The following ITPRIP variants were observed in gnomAD, a reference collection of about 807,000 sequenced individuals.
The protein encoded by ITPRIP is inositol 1,4,5-trisphosphate receptor-interacting protein.
A neutral mutation model predicts 35.8 loss-of-function variants in ITPRIP; 32 were observed. The observed-to-expected ratio is 0.89, with a 90% confidence interval of 0.68 to 1.20. The LOEUF is 1.20. Ranked by LOEUF, ITPRIP falls within the 50% of genes most tolerant of loss-of-function variation. The pLI, the probability that ITPRIP is intolerant of heterozygous loss-of-function variation, is 0.00. For missense variants in ITPRIP, 653 were observed against 735.6 expected, an observed-to-expected ratio of 0.89 and a Z score of 1.30; for synonymous variants, 358 against 324.0, an observed-to-expected ratio of 1.11 and a Z score of -1.13.
intron 1 of ITPRIP, 65 bp from the exon 2 acceptor site, chr10:104,316,129 G>A (rs939856169): frequency 7.1e-5 from 96 of 1,348,374 alleles, no homozygotes; most frequent in Non-Finnish European, 8.8e-5. Flanking sequence ...CCTGGGCCCC[G>A]CACCAACCTC....
rs901871539 is a variant in ITPRIP at position 104,316,641 on chromosome 10, AC to A, written c.-13-578del. On this transcript the variant is annotated intron_variant, in intron 1 of 1. Transcript: ENST00000337478. Reference sequence around the variant, plus strand: ...AGACACCAACATAGAGGAAAGCAGAACCCCCCCTCCCCACACTCAGCTCTGC... The same window carrying A: ...AGACACCAACATAGAGGAAAGCAGAACCCCCCTCCCCACACTCAGCTCTGC... 2.6e-5 allele frequency among the ~76,000 whole-genome samples: 4 copies of A among 151,294 alleles called. 1 individual carries two copies. The highest frequency in any genetic ancestry group is 2.1e-4 in the South Asian group (1 of 4,774).
intron 1 of ITPRIP, among the ~76,000 whole-genome samples, chr10:104,336,502 G>C (rs904805909): frequency 6.6e-6 from 1 of 150,958 alleles, no homozygotes; most frequent in Non-Finnish European, 1.5e-5. Context: ...TTTGGGGGGG[G>C]GGGGGCAGCG....
rs2014190392 is a variant in ITPRIP, at chr10:104,333,547, CCT to C, written c.-14+4697_-14+4698del. ...CTCTCTGTGGGGAAACGTCACAGGT[CCT>C]AAACTGTTGAGGAGGGGTCTACAGG... On this transcript the variant is annotated intron_variant, in intron 1 of 1. Coordinates refer to ENST00000337478, the MANE Select transcript of ITPRIP (RefSeq NM_001272013.2). This position sits in a 1 kb window ranked among gnomAD's most constrained non-coding sequence, Gnocchi z 4.1. The C allele has an allele frequency of 6.6e-6, 1 of 152,226 alleles. No individual in the cohort carries two copies. The highest frequency in any genetic ancestry group is 2.4e-5 in the African/African-American group (1 of 41,424). 9.4% of individuals were successfully genotyped at this position (152,226 alleles called of 1,614,324 possible). A position where few individuals can be genotyped will look rare whatever the true frequency, so the allele number is the denominator to read the frequency against.
In ITPRIP at chr10:104,309,956, C is replaced by T. The variant is rs899144843; in HGVS notation, c.*4452G>A. On this transcript the variant is annotated 3_prime_UTR_variant, in exon 2 of 2. Transcript: ENST00000337478. The stretch of plus-strand genomic sequence containing the variant: ...TTAAACAACAAACTAGTTAAACAAG[C>T]AAGCTATTTTTGGATGGCAATGAGA... 11 of 152,166 alleles carry T rather than the reference C, an allele frequency of 7.2e-5. No individual in the cohort carries two copies. The highest frequency in any genetic ancestry group is 1.2e-4 in the Non-Finnish European group (8 of 68,032). 9.4% of individuals were successfully genotyped at this position (152,166 alleles called of 1,614,324 possible). A position where few individuals can be genotyped will look rare whatever the true frequency, so the allele number is the denominator to read the frequency against.
chr10:104,332,718 G>T (rs911797864), intron 1 of ITPRIP, among the ~76,000 whole-genome samples: 1 of 152,230 alleles, frequency 6.6e-6, no homozygotes, highest in Non-Finnish European at 1.5e-5. Flanking sequence ...ATCCATGGCT[G>T]CCCCCTCTGA....
chr10:104,313,064 G>C lies in ITPRIP; in HGVS notation c.*1344C>G, dbSNP rs2013527962. Reference sequence around the variant, plus strand: ...TCTTTGGGTCTGGGTCATCTGTGTGGTCAGCAGTGCCCACACAGAAGGGGT... The same window carrying C: ...TCTTTGGGTCTGGGTCATCTGTGTGCTCAGCAGTGCCCACACAGAAGGGGT... On this transcript the variant is annotated 3_prime_UTR_variant, in exon 2 of 2. Transcript: ENST00000337478. The C allele has an allele frequency of 1.0e-6, 1 of 985,460 alleles. No individual in the cohort carries two copies. The allele number at this position is 985,460 out of a possible 1,614,324, so 61.0% of individuals were successfully genotyped here. A position where few individuals can be genotyped will look rare whatever the true frequency, so the allele number is the denominator to read the frequency against.
At position 104,328,974 on chromosome 10, in the gene ITPRIP, G is replaced by C. The variant is rs2014092684; in HGVS notation, c.-14+9272C>G. ...TAGGCGGTACCTGACACAAAGCCTG[G>C]GCCCCAGCTGGGCTGGGGAGAGCGG... On this transcript the variant is annotated intron_variant, in intron 1 of 1. Coordinates refer to ENST00000337478, the MANE Select transcript of ITPRIP (RefSeq NM_001272013.2). The surrounding 1 kb of genome is among the most constrained non-coding windows in gnomAD (Gnocchi z 4.1). 1 of 152,270 alleles carries C rather than the reference G, an allele frequency of 6.6e-6. No individual in the cohort carries two copies. The highest frequency in any genetic ancestry group is 1.5e-5 in the Non-Finnish European group (1 of 68,256). 9.4% of individuals were successfully genotyped at this position (152,270 alleles called of 1,614,324 possible). A position where few individuals can be genotyped will look rare whatever the true frequency, so the allele number is the denominator to read the frequency against.
chr10:104,315,402 G>A lies in ITPRIP; in HGVS notation c.650C>T (p.Pro217Leu), dbSNP rs1478032242. The change falls in exon 2 of 2, where the codon CCC becomes CTC. Residue 217 changes from proline (P) to leucine (L), a missense_variant. Transcript: ENST00000337478. This position sits in a 1 kb window ranked among gnomAD's most constrained non-coding sequence, Gnocchi z 5.7. ...CTCTGGGTGGAAGCGGTAGGGCTCGGGGGGTGTGAAGGGCACGAAAAGGTG... is the reference window on the plus strand; with the variant it reads ...CTCTGGGTGGAAGCGGTAGGGCTCGAGGGGTGTGAAGGGCACGAAAAGGTG... ...LCHLFVPFTPPEPYRFHPELW... is the reference protein window; with the variant it reads ...LCHLFVPFTPLEPYRFHPELW... The A allele has an allele frequency of 6.3e-7, 1 of 1,581,814 alleles. No homozygotes were observed. Among genetic ancestry groups the A allele is most frequent in the South Asian group, 1.2e-5 (1 of 85,666 alleles).
chr10:104,332,512 T>C (rs1374229093), intron 1 of ITPRIP, among the ~76,000 whole-genome samples: 1 of 152,222 alleles, frequency 6.6e-6, no homozygotes, highest in Non-Finnish European at 1.5e-5. Flanking sequence ...GTTTTTCATC[T>C]TTCTTCAGGG....
Position 104,314,740 on chromosome 10 carries a change from GT to G in ITPRIP, c.1311del (p.Leu438CysfsTer190). The G allele has an allele frequency of 6.2e-7, 1 of 1,613,878 alleles. No individual in the cohort carries two copies. The highest frequency in any genetic ancestry group is 8.5e-7 in the Non-Finnish European group (1 of 1,179,944). Reference sequence around the variant, plus strand: ...GCCTGCCGGAGGAGTAGGAGGTGCAGTAGGGCCGTCTTCAGGTGGTAGCTGC... The same window carrying G: ...GCCTGCCGGAGGAGTAGGAGGTGCAGAGGGCCGTCTTCAGGTGGTAGCTGC... Reference protein sequence around the residue: ...GLSSYHLKTALLHLLLLRQAA... With the variant: ...GLSSYHLKTAXLHLLLLRQAA... On this transcript the variant is annotated frameshift_variant, in exon 2 of 2. Coordinates refer to ENST00000337478, the MANE Select transcript of ITPRIP (RefSeq NM_001272013.2). LOFTEE classifies it high-confidence loss of function.
At position 104,315,919 on chromosome 10, in the gene ITPRIP, G is replaced by A; in HGVS notation, c.133C>T (p.Gln45Ter). ...AACTGCTCCAGCTGCAGCTTCTCCT[G>A]GTGCGCCTGCATCTTGCGGATGATC... The part of the protein sequence containing the change: ...EEIIRKMQAH[Q>*]EKLQLEQLRL... The change falls in exon 2 of 2, where the codon CAG (glutamine) becomes TAG (stop). Residue 45 changes from glutamine to a stop codon, truncating the protein, a stop_gained. Coordinates refer to ENST00000337478, the MANE Select transcript of ITPRIP (RefSeq NM_001272013.2). LOFTEE classifies it high-confidence loss of function. The surrounding 1 kb of genome is among the most constrained non-coding windows in gnomAD (Gnocchi z 5.7). The A allele has an allele frequency of 6.2e-7, 1 of 1,613,948 alleles. No homozygotes were observed. Among genetic ancestry groups the A allele is most frequent in the Non-Finnish European group, 8.5e-7 (1 of 1,180,014 alleles).
At chr10:104,332,494 A>T (rs1476875531) in intron 1 of ITPRIP, among the ~76,000 whole-genome samples, 2 of 152,154 alleles carry the variant, frequency 1.3e-5, no homozygotes, top group Non-Finnish European at 2.9e-5. Context: ...CACCTACTAT[A>T]TCATCTAGTT....
rs761830103 is a variant in ITPRIP, at chr10:104,315,638, G to C, written c.414C>G (p.Asn138Lys). Residue 138 changes from asparagine to lysine, a missense_variant, in exon 2 of 2, where the codon AAC becomes AAG. Transcript: ENST00000337478. The surrounding 1 kb of genome is among the most constrained non-coding windows in gnomAD (Gnocchi z 5.7). ...CATAAAAGTGGCCAAGCGTGGCCTT[G>C]TTGGGCAGGGTGAGGCCCTGCAAGG... is the stretch of plus-strand genomic sequence containing the variant. ...GAPLQGLTLP[N>K]KATLGHFYER... 1.2e-5 allele frequency: 19 copies of C among 1,612,428 alleles called. No individual in the cohort carries two copies. The South Asian group carries it at 1.6e-4, about 14-fold the overall frequency.
rs968499844 is a variant in ITPRIP at position 104,312,775 on chromosome 10, A to T, written c.*1633T>A. On this transcript the variant is annotated 3_prime_UTR_variant, in exon 2 of 2. Transcript: ENST00000337478. ...TTGAGAGCACTCCTGGGGATGGGGG[A>T]AGGATCTCCTTCCTTCAGTTTGTGG... 40 of 984,832 alleles carry T rather than the reference A, an allele frequency of 4.1e-5. 1 individual carries two copies. Among genetic ancestry groups the T allele is most frequent in the Admixed American group, 6.2e-5 (1 of 16,206 alleles). The allele number at this position is 984,832 out of a possible 1,614,324, so 61.0% of individuals were successfully genotyped here. A position where few individuals can be genotyped will look rare whatever the true frequency, so the allele number is the denominator to read the frequency against.
intron 1 of ITPRIP, among the ~76,000 whole-genome samples, chr10:104,329,968 G>A (rs1328810459): frequency 1.3e-5 from 2 of 152,186 alleles, no homozygotes; most frequent in Admixed American, 6.5e-5. Context: ...AGAAGCCTGG[G>A]GAGTATGACT....
At chr10:104,332,340 C>T (rs1455269779) in intron 1 of ITPRIP, among the ~76,000 whole-genome samples, 1 of 152,058 alleles carries the variant, frequency 6.6e-6, no homozygotes, top group Non-Finnish European at 1.5e-5. Context: ...TAGGTGCATA[C>T]AAGAATTAGG....
chr10:104,333,723 AC>A lies in ITPRIP; in HGVS notation c.-14+4522del, dbSNP rs1240368848. 2 of 152,348 alleles carry A rather than the reference AC, an allele frequency of 1.3e-5. No homozygotes were observed. Among genetic ancestry groups the A allele is most frequent in the African/African-American group, 4.8e-5 (2 of 41,494 alleles). 9.4% of individuals were successfully genotyped at this position (152,348 alleles called of 1,614,324 possible). On this transcript the variant is annotated intron_variant, in intron 1 of 1. Coordinates refer to ENST00000337478, the MANE Select transcript of ITPRIP (RefSeq NM_001272013.2). This position sits in a 1 kb window ranked among gnomAD's most constrained non-coding sequence, Gnocchi z 4.1. ...AAAAGATCAGGATGAGCAGCTCCAA[AC>A]AAACTGCTGGAAAGACCACTGAGGA...
rs368387291 is a variant in ITPRIP at position 104,337,136 on chromosome 10, G to A, written c.-14+1110C>T. The stretch of plus-strand genomic sequence containing the variant: ...TCTGTTTTCGTAAGGAGGAAAGACA[G>A]TAATCCACTTTTCTGATACTCTATT... On this transcript the variant is annotated intron_variant, in intron 1 of 1. Transcript: ENST00000337478. 9.8e-5 allele frequency among the ~76,000 whole-genome samples: 15 copies of A among 152,322 alleles called. No homozygotes were observed. In the East Asian group the frequency reaches 2.9e-3, roughly 29 times the overall value.
intron 1 of ITPRIP, among the ~76,000 whole-genome samples, chr10:104,316,323 T>C (rs1320918305): frequency 6.6e-6 from 1 of 152,078 alleles, no homozygotes; most frequent in African/African-American, 2.4e-5. Context: ...TCCCTAACCC[T>C]TTTCTCCTAC....
Sources: allele counts gnomAD v4.1 joint callset (sites outside exome capture counted in the v4.1 genomes callset), GRCh38; gene constraint gnomAD v4.1.1; non-coding constraint Gnocchi (gnomAD v3.1); transcripts MANE v1.5; gene names NCBI Gene and HGNC (gene_info 2026-07-23, HGNC 2026-07-21).